The following OGG1 variants were observed in gnomAD, a reference collection of about 807,000 sequenced individuals.
OGG1 encodes the protein N-glycosylase/DNA lyase.
OGG1 carries 35 observed loss-of-function variants against 42.3 expected under a neutral mutation model. The ratio of observed to expected loss-of-function variants is 0.83; its 90% CI spans 0.63 to 1.10. The LOEUF (loss-of-function observed/expected upper bound fraction) is 1.10, where lower values mean the gene tolerates loss of function less well. Ranked by LOEUF, OGG1 falls within the 50% of genes least tolerant of loss-of-function variation. The pLI, the probability that OGG1 is intolerant of heterozygous loss-of-function variation, is 0.00. For synonymous variants in OGG1, 189 were observed against 179.0 expected, an observed-to-expected ratio of 1.06 and a Z score of -0.44; for missense variants, 484 against 446.7, an observed-to-expected ratio of 1.08 and a Z score of -0.75.
At chr3:9,757,524 C>T (rs371720443), downstream of OGG1, 1 of 1,609,494 alleles carries the variant, frequency 6.2e-7, no homozygotes, top group East Asian at 2.2e-5. This position sits in a 1 kb window ranked among gnomAD's most constrained non-coding sequence, Gnocchi z 4.5. Flanking sequence ...GGATCATGAC[C>T]CGAGGTCCAG....
chr3:9,782,637 A>T (rs2078503506), intron 3 of OGG1, among the ~76,000 whole-genome samples: 2 of 152,188 alleles, frequency 1.3e-5, no homozygotes. Context: ...AGAATGGCCA[A>T]ATGATTAGCC....
chr3:9,760,983 C>G, downstream of OGG1: 2 of 597,794 alleles, frequency 3.3e-6, no homozygotes, highest in East Asian at 3.3e-5. Flanking sequence ...GGCCTTTGCA[C>G]TTGCCATTGC....
chr3:9,779,240 TAC>T (rs1311920705), intron 2 of OGG1, among the ~76,000 whole-genome samples: 3 of 152,170 alleles, frequency 2.0e-5, no homozygotes, highest in Non-Finnish European at 4.4e-5. Flanking sequence ...ATAAAGCCAT[TAC>T]AGTCTCCTTT....
chr3:9,779,562 G>A (rs2078413439), intron 2 of OGG1, among the ~76,000 whole-genome samples: 2 of 151,922 alleles, frequency 1.3e-5, no homozygotes, highest in African/African-American at 4.8e-5. Flanking sequence ...TGTAAATGAC[G>A]AGTTAATGGG....
intron 3 of OGG1, chr3:9,787,498 C>A: frequency 9.1e-7 from 1 of 1,104,408 alleles, no homozygotes; most frequent in Non-Finnish European, 1.3e-6. Flanking sequence ...AAGATAAAAC[C>A]TGTACTTCAC....
In OGG1 at chr3:9,750,301, G is replaced by T. The variant is rs751422685; in HGVS notation, c.15G>T (p.Ala5=). 13 of 1,610,652 alleles carry T rather than the reference G, an allele frequency of 8.1e-6. No homozygotes were observed. In the African/African-American group the frequency reaches 1.5e-4, roughly 18 times the overall value. MPAR[A]LLPRRMGHRT... ...CTGCTGTGGAAATGCCTGCCCGCGC[G>T]CTTCTGCCCAGGCGCATGGGGCATC... The change falls in exon 1 of 7, where the codon GCG becomes GCT. Residue 5 remains alanine (A), a synonymous_variant. Coordinates refer to ENST00000344629, the MANE Select transcript of OGG1 (RefSeq NM_002542.6).
chr3:9,755,884 C>T (rs1279896044), intron 4 of OGG1, among the ~76,000 whole-genome samples: 1 of 152,132 alleles, frequency 6.6e-6, no homozygotes, highest in Non-Finnish European at 1.5e-5. Flanking sequence ...AGCCATGTGA[C>T]TTTGGCCAGG....
intron 2 of OGG1, among the ~76,000 whole-genome samples, chr3:9,777,093 G>A (rs1279087104): frequency 6.6e-6 from 1 of 152,114 alleles, no homozygotes; most frequent in African/African-American, 2.4e-5. Flanking sequence ...AGCAGACAGG[G>A]GCTGGGGACC....
chr3:9,784,717 G>A (rs747741258), intron 3 of OGG1, among the ~76,000 whole-genome samples: 7 of 151,758 alleles, frequency 4.6e-5, no homozygotes, highest in Non-Finnish European at 8.8e-5. Context: ...ATACAAAAAT[G>A]AGCCATACAT....
At chr3:9,758,632 T>C (rs970388931), downstream of OGG1, 14 of 161,380 alleles carry the variant, frequency 8.7e-5, no homozygotes, top group Non-Finnish European at 2.7e-5. Flanking sequence ...TCCTGAGAGC[T>C]CTTTCTTTTT....
downstream of OGG1, among the ~76,000 whole-genome samples, chr3:9,790,274 T>C (rs1354744702): frequency 1.3e-5 from 2 of 152,252 alleles, no homozygotes; most frequent in African/African-American, 4.8e-5. Flanking sequence ...TTCACTTCGA[T>C]GTCACCACTA....
At chr3:9,785,559 T>A in intron 3 of OGG1, 1 of 615,028 alleles carries the variant, frequency 1.6e-6, no homozygotes, top group Non-Finnish European at 2.8e-6. Flanking sequence ...GTGGGAAGCC[T>A]TCCCATACCA....
At chr3:9,771,833 T>G (rs945123645) in intron 2 of OGG1, among the ~76,000 whole-genome samples, 3 of 147,236 alleles carry the variant, frequency 2.0e-5, no homozygotes, top group African/African-American at 7.6e-5. Context: ...TTTTTTTTTT[T>G]TTTGAGACAG....
At chr3:9,781,833 C>CTTTTTTTTTTTTTTTTT (rs35246642) in intron 3 of OGG1, among the ~76,000 whole-genome samples, 1 of 86,870 alleles carries the variant, frequency 1.2e-5, no homozygotes, top group Non-Finnish European at 2.1e-5. Context: ...CCCATTACTT[C>CTTTTTTTTTTTTTTTTT]TTTTTTTTTT....
intron 2 of OGG1, among the ~76,000 whole-genome samples, chr3:9,773,497 C>T (rs1479805935): frequency 2.6e-5 from 4 of 151,662 alleles, no homozygotes; most frequent in South Asian, 2.1e-4. Flanking sequence ...GCAGAGACCA[C>T]GCGCCACTGC....
chr3:9,768,902 G>A (rs567216266), downstream of OGG1, among the ~76,000 whole-genome samples: 3 of 152,118 alleles, frequency 2.0e-5, no homozygotes, highest in African/African-American at 7.2e-5. Flanking sequence ...AAGGAGACTC[G>A]AGTGTAAGCT....
exon 8 of OGG1, chr3:9,765,888 C>G: frequency 2.5e-6 from 4 of 1,614,132 alleles, no homozygotes; most frequent in Non-Finnish European, 3.4e-6. Context: ...CGAGAAGGCC[C>G]CCCTATCGGG....
chr3:9,754,240 A>G (rs1297178872), intron 3 of OGG1, among the ~76,000 whole-genome samples: 1 of 152,172 alleles, frequency 6.6e-6, no homozygotes, highest in Non-Finnish European at 1.5e-5. Context: ...CTAAGCCCTC[A>G]TTTTCTCCAC....
Position 9,757,271 on chromosome 3 carries a change from C to G in OGG1, c.*121C>G. Reference sequence around the variant, plus strand: ...GCCTCCCTGTGACTACCTCAAAGGCCAGGCACCCCCAAATCAAGCAGTCAG... The same window carrying G: ...GCCTCCCTGTGACTACCTCAAAGGCGAGGCACCCCCAAATCAAGCAGTCAG... On this transcript the variant is annotated 3_prime_UTR_variant, in exon 7 of 7. Coordinates refer to ENST00000344629, the MANE Select transcript of OGG1 (RefSeq NM_002542.6). This position sits in a 1 kb window ranked among gnomAD's most constrained non-coding sequence, Gnocchi z 4.5. 1 of 1,614,188 alleles carries G rather than the reference C, an allele frequency of 6.2e-7. No homozygotes were observed. Among genetic ancestry groups the G allele is most frequent in the Non-Finnish European group, 8.5e-7 (1 of 1,180,030 alleles).
Sources: allele counts gnomAD v4.1 joint callset (sites outside exome capture counted in the v4.1 genomes callset), GRCh38; gene constraint gnomAD v4.1.1; non-coding constraint Gnocchi (gnomAD v3.1); transcripts MANE v1.5; gene names NCBI Gene and HGNC (gene_info 2026-07-23, HGNC 2026-07-21).